The following NCF4 variants were observed in gnomAD, a reference collection of about 807,000 sequenced individuals.
NCF4 encodes the protein neutrophil cytosolic factor 4, also known as neutrophil cytosol factor 4.
In NCF4, 30 loss-of-function variants were observed where a neutral mutation model predicts 41.7. The ratio of observed to expected loss-of-function variants is 0.72; its 90% CI spans 0.54 to 0.97. The LOEUF (loss-of-function observed/expected upper bound fraction) is 0.97, where lower values mean the gene tolerates loss of function less well. Among genes scored for constraint, NCF4 ranks in the 50% least tolerant of loss-of-function variants. The pLI is 0.00. For missense variants in NCF4, 432 were observed against 460.9 expected (o/e 0.94, Z 0.57); for synonymous variants, 195 against 175.8 (o/e 1.11, Z -0.87).
chr22:36,871,652 C>G lies in NCF4; in HGVS notation c.471C>G (p.Val157=). Residue 157 remains valine, a splice_region_variant and synonymous_variant, in exon 6 of 10, where the codon GTC becomes GTG. Coordinates refer to ENST00000248899, the MANE Select transcript of NCF4 (RefSeq NM_000631.5). The part of the protein sequence containing the change: ...LRRLRPRTRK[V]KSVSPQGNSV... ...ACAAGCCCCTCTTCTCTCTCCACAG[C>G]AAGAGCGTGTCCCCACAGGGCAACA... 6.4e-7 allele frequency: 1 copy of G among 1,567,448 alleles called. No homozygotes were observed. Among genetic ancestry groups the G allele is most frequent in the Non-Finnish European group, 8.7e-7 (1 of 1,155,146 alleles).
Position 36,867,381 on chromosome 22 carries a change from T to C in NCF4, c.272-11T>C, listed in dbSNP as rs773508599. The C allele has an allele frequency of 2.5e-6, 4 of 1,614,082 alleles. No individual in the cohort carries two copies. The South Asian group carries it at 3.3e-5, about 13-fold the overall frequency. On this transcript the variant is annotated splice_polypyrimidine_tract_variant and intron_variant, in intron 3 of 9. Coordinates refer to ENST00000248899, the MANE Select transcript of NCF4 (RefSeq NM_000631.5). The stretch of plus-strand genomic sequence containing the variant: ...GCCAGGCTCCTAGGACAGCTCTTTG[T>C]CTCTTCTCAGCCAAAGTCTACGTGG...
At position 36,865,670 on chromosome 22, in the gene NCF4, G is replaced by A. The variant is rs1376279251; in HGVS notation, c.271+598G>A. The stretch of plus-strand genomic sequence containing the variant: ...TTAGCTGCTCAGCACCTGCCCCGCA[G>A]GAGGAAACCCCATCACGAATGGGTT... On this transcript the variant is annotated intron_variant, in intron 3 of 9. Transcript: ENST00000248899. The surrounding 1 kb of genome is among the most constrained non-coding windows in gnomAD (Gnocchi z 4.3). Among the ~76,000 whole-genome samples the A allele has an allele frequency of 1.3e-5, 2 of 152,208 alleles. No homozygotes were observed. The highest frequency in any genetic ancestry group is 2.4e-5 in the African/African-American group (1 of 41,458).
At chr22:36,869,229 A>G (rs1176662670) in intron 4 of NCF4, among the ~76,000 whole-genome samples, 1 of 152,224 alleles carries the variant, frequency 6.6e-6, no homozygotes, top group Non-Finnish European at 1.5e-5. Context: ...TGAAAATCAC[A>G]GTAACAATGA....
chr22:36,869,168 C>T (rs1453864032), intron 4 of NCF4, among the ~76,000 whole-genome samples: 1 of 152,176 alleles, frequency 6.6e-6, no homozygotes, highest in Non-Finnish European at 1.5e-5. Flanking sequence ...TTTGAATTCA[C>T]ATCTCTGTGA....
At chr22:36,876,189 T>G in intron 9 of NCF4, 95 bp downstream of exon 9, 1 of 1,252,774 alleles carries the variant, frequency 8.0e-7, no homozygotes, top group Non-Finnish European at 1.1e-6. Context: ...GCTGGGGTTT[T>G]GCGTGTACTT....
chr22:36,875,828 C>T, intron 8 of NCF4, 45 bp downstream of exon 8: 1 of 1,614,066 alleles, frequency 6.2e-7, no homozygotes, highest in Non-Finnish European at 8.5e-7. Flanking sequence ...TTCCTGCCAT[C>T]CCTACGACCA....
chr22:36,868,343 C>T (rs1320263634), intron 4 of NCF4, among the ~76,000 whole-genome samples: 2 of 152,260 alleles, frequency 1.3e-5, no homozygotes, highest in African/African-American at 4.8e-5. Flanking sequence ...CCTTGGTTTT[C>T]ACACTTGTGA....
rs1939917836 is a variant in NCF4 at position 36,865,954 on chromosome 22, T to G, written c.271+882T>G. Among the ~76,000 whole-genome samples the G allele has an allele frequency of 1.3e-5, 2 of 151,802 alleles. No individual in the cohort carries two copies. The highest frequency in any genetic ancestry group is 4.8e-5 in the African/African-American group (2 of 41,274). On this transcript the variant is annotated intron_variant, in intron 3 of 9. Coordinates refer to ENST00000248899, the MANE Select transcript of NCF4 (RefSeq NM_000631.5). The surrounding 1 kb of genome is among the most constrained non-coding windows in gnomAD (Gnocchi z 4.3). ...AGCCTCCCCTCTCAGGCTCCATCAT[T>G]TTCCCTCCTCTCTCTTTTGGGGCTC... is the stretch of plus-strand genomic sequence containing the variant.
rs576675297 is a variant in NCF4 at position 36,865,846 on chromosome 22, C to G, written c.271+774C>G. On this transcript the variant is annotated intron_variant, in intron 3 of 9. Transcript: ENST00000248899. This position sits in a 1 kb window ranked among gnomAD's most constrained non-coding sequence, Gnocchi z 4.3. ...TGTCTCTGTTTCTGTCTCTCTCTGTCTCAGCATATGACCCCGCTCCTTCTC... is the reference window on the plus strand; with the variant it reads ...TGTCTCTGTTTCTGTCTCTCTCTGTGTCAGCATATGACCCCGCTCCTTCTC... Among the ~76,000 whole-genome samples the G allele has an allele frequency of 6.6e-6, 1 of 152,224 alleles. No individual in the cohort carries two copies. Among genetic ancestry groups the G allele is most frequent in the South Asian group, 2.1e-4 (1 of 4,804 alleles).
At position 36,861,072 on chromosome 22, in the gene NCF4, TGAGAC is replaced by T; in HGVS notation, c.-93_-89del. Reference sequence around the variant, plus strand: ...CCTGGGGACTCCCAGGACCACAGGCTGAGACGAGACGCAGGGTGGCTGGAGGAAGT... The same window carrying T: ...CCTGGGGACTCCCAGGACCACAGGCTGAGACGCAGGGTGGCTGGAGGAAGT... On this transcript the variant is annotated 5_prime_UTR_variant, in exon 1 of 10. Coordinates refer to ENST00000248899, the MANE Select transcript of NCF4 (RefSeq NM_000631.5). 1 of 1,489,396 alleles carries T rather than the reference TGAGAC, an allele frequency of 6.7e-7. No individual in the cohort carries two copies. Among genetic ancestry groups the T allele is most frequent in the Non-Finnish European group, 9.2e-7 (1 of 1,091,272 alleles). The allele number at this position is 1,489,396 out of a possible 1,614,324, so 92.3% of individuals were successfully genotyped here. A position where few individuals can be genotyped will look rare whatever the true frequency, so the allele number is the denominator to read the frequency against.
At chr22:36,876,676 A>G (rs1222179017) in intron 9 of NCF4, among the ~76,000 whole-genome samples, 1 of 152,206 alleles carries the variant, frequency 6.6e-6, no homozygotes, top group Non-Finnish European at 1.5e-5. Flanking sequence ...CAGTGGCTAC[A>G]TCATTAACAT....
rs776428549 is a variant in NCF4, at chr22:36,875,637, T to A, written c.628-16T>A. 6.2e-7 allele frequency: 1 copy of A among 1,609,684 alleles called. No homozygotes were observed. The highest frequency in any genetic ancestry group is 8.5e-7 in the Non-Finnish European group (1 of 1,179,476). On this transcript the variant is annotated splice_polypyrimidine_tract_variant and intron_variant, in intron 7 of 9. Coordinates refer to ENST00000248899, the MANE Select transcript of NCF4 (RefSeq NM_000631.5). ...TCTCCTCTCACCAGCATGGCATCCCTTCTCTTCCTCTGCAGGGCACTGTCC... is the reference window on the plus strand; with the variant it reads ...TCTCCTCTCACCAGCATGGCATCCCATCTCTTCCTCTGCAGGGCACTGTCC...
Position 36,877,732 on chromosome 22 carries a change from C to G in NCF4, c.929C>G (p.Ala310Gly), listed in dbSNP as rs764893385. 6.2e-6 allele frequency: 10 copies of G among 1,613,996 alleles called. No individual in the cohort carries two copies. The South Asian group carries it at 1.1e-4, about 18-fold the overall frequency. Residue 310 changes from alanine to glycine, a missense_variant, in exon 10 of 10, where the codon GCT (alanine) becomes GGT (glycine). Physicochemically the swap from Ala to Gly is moderately conservative, Grantham distance 60. Transcript: ENST00000248899. ...DEDVALMVRQARGLPSQKRLF... is the reference protein window; with the variant it reads ...DEDVALMVRQGRGLPSQKRLF... ...GACGTAGCGCTCATGGTGCGGCAGG[C>G]TCGTGGCCTCCCCTCCCAGAAGCGC...
rs975880171 is a variant in NCF4, at chr22:36,870,485, A to G, written c.413A>G (p.Tyr138Cys). Reference protein sequence around the residue: ...DVRIFFYQSPYDSEQVPQALR... With the variant: ...DVRIFFYQSPCDSEQVPQALR... ...CGGATCTTCTTTTACCAGTCGCCCT[A>G]TGACTCAGAGCAGGTGCCCCAGGCA... is the stretch of plus-strand genomic sequence containing the variant. Residue 138 changes from tyrosine (Y) to cysteine (C), a missense_variant, in exon 5 of 10, where the codon TAT (tyrosine) becomes TGT (cysteine). Tyr to Cys is a radical substitution (Grantham distance 194). Coordinates refer to ENST00000248899, the MANE Select transcript of NCF4 (RefSeq NM_000631.5). 9 of 1,613,818 alleles carry G rather than the reference A, an allele frequency of 5.6e-6. No homozygotes were observed. Among genetic ancestry groups the G allele is most frequent in the Non-Finnish European group, 7.6e-6 (9 of 1,179,998 alleles).
intron 7 of NCF4, among the ~76,000 whole-genome samples, chr22:36,872,910 G>A (rs1001997832): frequency 6.7e-6 from 1 of 148,598 alleles, no homozygotes; most frequent in Non-Finnish European, 1.5e-5. Flanking sequence ...TTGGAGGTGA[G>A]GGTGGAGGTG....
chr22:36,867,446 T>C lies in NCF4; in HGVS notation c.326T>C (p.Leu109Pro). ...QEIAEMRIPA[L>P]NAYMKSLLSL... Reference sequence around the variant, plus strand: ...ATCGCCGAGATGCGGATACCTGCCCTCAACGCCTACATGAAGGTACCAGTG... The same window carrying C: ...ATCGCCGAGATGCGGATACCTGCCCCCAACGCCTACATGAAGGTACCAGTG... Residue 109 changes from leucine (L) to proline (P), a missense_variant, in exon 4 of 10, where the codon CTC becomes CCC. By Grantham distance (98) the Leu-to-Pro change is moderately conservative (BLOSUM62 -3). Coordinates refer to ENST00000248899, the MANE Select transcript of NCF4 (RefSeq NM_000631.5). 1 of 1,614,168 alleles carries C rather than the reference T, an allele frequency of 6.2e-7. No homozygotes were observed. Among genetic ancestry groups the C allele is most frequent in the Non-Finnish European group, 8.5e-7 (1 of 1,180,032 alleles).
rs770886484 is a variant in NCF4, at chr22:36,865,460, G to A, written c.271+388G>A. Among the ~76,000 whole-genome samples, 7 of 152,026 alleles carry A rather than the reference G, an allele frequency of 4.6e-5. No individual in the cohort carries two copies. The highest frequency in any genetic ancestry group is 1.4e-4 in the African/African-American group (6 of 41,400). On this transcript the variant is annotated intron_variant, in intron 3 of 9. Transcript: ENST00000248899. The surrounding 1 kb of genome is among the most constrained non-coding windows in gnomAD (Gnocchi z 4.3). ...CTGCCCACCCTCAGCTTCCTCCCAC[G>A]AGACCAGCCCTCTGACTTCATGGTC... is the stretch of plus-strand genomic sequence containing the variant.
In NCF4 at chr22:36,865,842, C is replaced by G. The variant is rs533690201; in HGVS notation, c.271+770C>G. 6.6e-6 allele frequency among the ~76,000 whole-genome samples: 1 copy of G among 152,242 alleles called. No homozygotes were observed. The highest frequency in any genetic ancestry group is 2.1e-4 in the South Asian group (1 of 4,810). On this transcript the variant is annotated intron_variant, in intron 3 of 9. Transcript: ENST00000248899. This position sits in a 1 kb window ranked among gnomAD's most constrained non-coding sequence, Gnocchi z 4.3. ...TTTCTGTCTCTGTTTCTGTCTCTCT[C>G]TGTCTCAGCATATGACCCCGCTCCT...
Position 36,871,658 on chromosome 22 carries a change from C to G in NCF4, c.477C>G (p.Ser159Arg). ...CCCTCTTCTCTCTCCACAGCAAGAG[C>G]GTGTCCCCACAGGGCAACAGCGTTG... ...RLRPRTRKVKSVSPQGNSVDR... is the reference protein window; with the variant it reads ...RLRPRTRKVKRVSPQGNSVDR... The change falls in exon 6 of 10, where the codon AGC (serine) becomes AGG (arginine). Residue 159 changes from serine (S) to arginine (R), a missense_variant. Transcript: ENST00000248899. The G allele has an allele frequency of 1.9e-6, 3 of 1,569,408 alleles. No homozygotes were observed. Among genetic ancestry groups the G allele is most frequent in the South Asian group, 2.3e-5 (2 of 85,424 alleles).
Sources: allele counts gnomAD v4.1 joint callset (sites outside exome capture counted in the v4.1 genomes callset), GRCh38; gene constraint gnomAD v4.1.1; non-coding constraint Gnocchi (gnomAD v3.1); transcripts MANE v1.5; gene names NCBI Gene and HGNC (gene_info 2026-07-23, HGNC 2026-07-21).